The following TMEM62 variants were observed in gnomAD, a reference collection of about 807,000 sequenced individuals.
The protein encoded by TMEM62 is transmembrane protein 62.
Under a neutral mutation model 70.4 loss-of-function variants are expected in TMEM62, and 41 were observed. The observed-to-expected ratio is 0.58, with a 90% CI of 0.45 to 0.76. The LOEUF is 0.76. TMEM62 is among the 30% of genes least tolerant of loss of function. TMEM62 has a pLI of 0.00. For missense variants in TMEM62, 688 were observed against 788.5 expected, an observed-to-expected ratio of 0.87 and a Z score of 1.53; for synonymous variants, 268 against 291.0, an observed-to-expected ratio of 0.92 and a Z score of 0.80.
At chr15:43,156,354 A>C (rs77236425) in intron 9 of TMEM62, among the ~76,000 whole-genome samples, 2,252 of 152,304 alleles carry the variant, frequency 0.015, 153 homozygotes, top group Admixed American at 0.11. Flanking sequence ...TGCACAAAAG[A>C]AGACACTCTG....
At chr15:43,176,219 G>A (rs901668344) in intron 11 of TMEM62, among the ~76,000 whole-genome samples, 4 of 152,388 alleles carry the variant, frequency 2.6e-5, no homozygotes, top group South Asian at 2.1e-4. Flanking sequence ...GCTCAAGGAG[G>A]CCTGCCTGCC....
intron 12 of TMEM62, chr15:43,180,517 C>CA (rs2041228742): frequency 6.6e-6 from 1 of 152,056 alleles, no homozygotes; most frequent in African/African-American, 2.4e-5. Flanking sequence ...ACTTACAAGA[C>CA]AAAATGACAA....
chr15:43,179,127 G>A (rs977245562), intron 12 of TMEM62, among the ~76,000 whole-genome samples: 24 of 152,028 alleles, frequency 1.6e-4, no homozygotes, highest in East Asian at 1.5e-3. Flanking sequence ...AGGCGGGTAC[G>A]GTGGCTCATG....
chr15:43,157,256 A>T (rs1448496468), intron 9 of TMEM62, among the ~76,000 whole-genome samples: 1 of 152,170 alleles, frequency 6.6e-6, no homozygotes, highest in Non-Finnish European at 1.5e-5. Flanking sequence ...CTCAGGTCCC[A>T]TCTGAAATCT....
chr15:43,171,093 T>A (rs2040133955), intron 11 of TMEM62, among the ~76,000 whole-genome samples: 1 of 152,200 alleles, frequency 6.6e-6, no homozygotes, highest in Non-Finnish European at 1.5e-5. Context: ...CTCAGCATTG[T>A]GGGAGGCCGA....
intron 3 of TMEM62, among the ~76,000 whole-genome samples, chr15:43,136,537 C>T (rs1006032991): frequency 1.3e-5 from 2 of 151,982 alleles, no homozygotes; most frequent in South Asian, 2.1e-4. Context: ...CTTCGTCTCC[C>T]GAGTTCAAGC....
At chr15:43,137,831 G>A (rs1196694272) in intron 3 of TMEM62, among the ~76,000 whole-genome samples, 1 of 152,228 alleles carries the variant, frequency 6.6e-6, no homozygotes, top group Admixed American at 6.5e-5. Context: ...CTGTCATGGG[G>A]GCAGCCATTT....
At chr15:43,135,393 A>C in intron 2 of TMEM62, 119 bp from the exon 3 acceptor site, 1 of 983,438 alleles carries the variant, frequency 1.0e-6, no homozygotes, top group Non-Finnish European at 1.4e-6. Context: ...GTGAGCAGTT[A>C]TGCTTATACA....
intron 4 of TMEM62, among the ~76,000 whole-genome samples, chr15:43,140,204 C>T (rs1192046581): frequency 6.6e-6 from 1 of 152,146 alleles, no homozygotes; most frequent in Admixed American, 6.5e-5. Context: ...TGACTGGGGG[C>T]AGGGGAGCTG....
At chr15:43,177,245 A>C (rs2142065060) in intron 11 of TMEM62, among the ~76,000 whole-genome samples, 1 of 152,262 alleles carries the variant, frequency 6.6e-6, no homozygotes, top group South Asian at 2.1e-4. Context: ...AAAACACATG[A>C]AAAAATACTC....
At chr15:43,145,353 C>T (rs372493920) in intron 4 of TMEM62, among the ~76,000 whole-genome samples, 4 of 151,420 alleles carry the variant, frequency 2.6e-5, no homozygotes, top group Non-Finnish European at 4.4e-5. Flanking sequence ...TACAGGCGCC[C>T]GCCAGCACGC....
intron 2 of TMEM62, among the ~76,000 whole-genome samples, 153 bp downstream of exon 2, chr15:43,134,521 C>T (rs141298540): frequency 4.6e-5 from 7 of 152,270 alleles, no homozygotes; most frequent in Non-Finnish European, 7.4e-5. Flanking sequence ...ACATTCTAAC[C>T]CCTTTGCCTA....
intron 4 of TMEM62, among the ~76,000 whole-genome samples, chr15:43,142,669 G>T (rs9744212): frequency 1.3e-4 from 19 of 149,964 alleles, no homozygotes; most frequent in Admixed American, 2.6e-4. Context: ...GTTTTTTTTT[G>T]TTTTTTTGGT....
At chr15:43,169,784 C>A in intron 11 of TMEM62, 107 bp downstream of exon 11, 1 of 903,788 alleles carries the variant, frequency 1.1e-6, no homozygotes, top group South Asian at 1.7e-5. Context: ...ATGACCATGG[C>A]CCAGGGAAAA....
At chr15:43,178,522 A>T (rs2041010416) in intron 11 of TMEM62, 85 bp from the exon 12 acceptor site, 1 of 773,668 alleles carries the variant, frequency 1.3e-6, no homozygotes, top group South Asian at 1.7e-5. Context: ...TATGGTAGAT[A>T]GCCCATGAAA....
rs1222403687 is a variant in TMEM62 at position 43,184,878 on chromosome 15, GT to G, written c.*294del. 1 of 454,720 alleles carries G rather than the reference GT, an allele frequency of 2.2e-6. No homozygotes were observed. The highest frequency in any genetic ancestry group is 3.7e-5 in the Admixed American group (1 of 26,764). 28.2% of individuals were successfully genotyped at this position (454,720 alleles called of 1,614,324 possible). A position where few individuals can be genotyped will look rare whatever the true frequency, so the allele number is the denominator to read the frequency against. ...TATCTAGGACATCCACAGGGTAGAGGTTGGGTGTGTGTACGGGAGTGTCTGA... is the reference window on the plus strand; with the variant it reads ...TATCTAGGACATCCACAGGGTAGAGGTGGGTGTGTGTACGGGAGTGTCTGA... On this transcript the variant is annotated 3_prime_UTR_variant, in exon 14 of 14. Coordinates refer to ENST00000260403, the MANE Select transcript of TMEM62 (RefSeq NM_024956.4).
At chr15:43,148,911 TG>T (rs1441163467) in intron 6 of TMEM62, 32 bp downstream of exon 6, 1 of 1,602,588 alleles carries the variant, frequency 6.2e-7, no homozygotes, top group South Asian at 1.1e-5. Context: ...AGAATTAATT[TG>T]TTTTTAGTTT....
chr15:43,140,853 C>T (rs2035906301), intron 4 of TMEM62, among the ~76,000 whole-genome samples: 1 of 152,192 alleles, frequency 6.6e-6, no homozygotes, highest in Non-Finnish European at 1.5e-5. Context: ...AAACCCGCGC[C>T]CGGCTTCTGA....
chr15:43,162,318 C>A (rs1255227438), intron 10 of TMEM62, among the ~76,000 whole-genome samples: 2 of 131,956 alleles, frequency 1.5e-5, no homozygotes, highest in Non-Finnish European at 3.2e-5. Context: ...TTTTTTTTTT[C>A]AGTAGAGTCG....
Sources: gnomAD v4.1 joint callset for allele counts (sites outside exome capture counted in the v4.1 genomes callset) on GRCh38, gnomAD v4.1.1 for gene constraint, MANE v1.5 for transcripts, NCBI Gene and HGNC (gene_info 2026-07-23, HGNC 2026-07-21) for gene names.